Variants in PRICKLE1 observed in about 807,000 individuals in gnomAD.
PRICKLE1 encodes the protein prickle planar cell polarity protein 1.
In PRICKLE1, 14 loss-of-function variants were observed where a neutral mutation model predicts 70.2. That is an observed-to-expected ratio of 0.20 (90% CI 0.13 to 0.31). The LOEUF is 0.31. PRICKLE1 is among the 10% of genes least tolerant of loss of function. The pLI is 1.00. For missense variants in PRICKLE1, 821 were observed against 1,026.2 expected, an observed-to-expected ratio of 0.80 and a Z score of 2.73; for synonymous variants, 357 against 379.9, an observed-to-expected ratio of 0.94 and a Z score of 0.70.
intron 1 of PRICKLE1, among the ~76,000 whole-genome samples, chr12:42,493,037 A>AT (rs974758624): frequency 7.3e-5 from 11 of 151,506 alleles, no homozygotes; most frequent in Admixed American, 1.3e-4. Context: ...CCATTTATTT[A>AT]TTTTTTTTTA....
chr12:42,497,163 T>C (rs1349988140), intron 1 of PRICKLE1, among the ~76,000 whole-genome samples: 1 of 152,182 alleles, frequency 6.6e-6, no homozygotes, highest in East Asian at 1.9e-4. Flanking sequence ...CCAATTGCAA[T>C]ATTGCTATGT....
At chr12:42,467,553 C>T (rs963597889) in intron 5 of PRICKLE1, among the ~76,000 whole-genome samples, 1 of 151,186 alleles carries the variant, frequency 6.6e-6, no homozygotes, top group Non-Finnish European at 1.5e-5. Context: ...CCAGCCTGGC[C>T]AACATGGTGA....
Position 42,458,178 on chromosome 12 carries a change from A to C in PRICKLE1, c.*1631T>G, listed in dbSNP as rs1156738735. 6.6e-6 allele frequency: 1 copy of C among 152,190 alleles called. No individual in the cohort carries two copies. The highest frequency in any genetic ancestry group is 1.5e-5 in the Non-Finnish European group (1 of 68,040). 9.4% of individuals were successfully genotyped at this position (152,190 alleles called of 1,614,324 possible). A position where few individuals can be genotyped will look rare whatever the true frequency, so the allele number is the denominator to read the frequency against. On this transcript the variant is annotated 3_prime_UTR_variant, in exon 8 of 8. Coordinates refer to ENST00000345127, the MANE Select transcript of PRICKLE1 (RefSeq NM_153026.3). ...TTCCCCACTCCAGTCTATATGGAAAAAATAAGCCTCTGTGTCTGAAGCCCT... is the reference window on the plus strand; with the variant it reads ...TTCCCCACTCCAGTCTATATGGAAACAATAAGCCTCTGTGTCTGAAGCCCT...
chr12:42,549,485 G>A (rs1157329145), intron 1 of PRICKLE1, among the ~76,000 whole-genome samples: 1 of 151,936 alleles, frequency 6.6e-6, no homozygotes, highest in African/African-American at 2.4e-5. Context: ...TTTCCTTTAG[G>A]GTCCGGGATC....
At chr12:42,486,877 A>G (rs1725663227) in intron 1 of PRICKLE1, among the ~76,000 whole-genome samples, 1 of 152,204 alleles carries the variant, frequency 6.6e-6, no homozygotes. Context: ...GAAATGAGAG[A>G]TCAAAGGCTC....
chr12:42,468,033 G>T (rs1309232549), intron 5 of PRICKLE1, among the ~76,000 whole-genome samples: 1 of 152,100 alleles, frequency 6.6e-6, no homozygotes, highest in Non-Finnish European at 1.5e-5. Context: ...ATATATTATG[G>T]TTATGTAAGA....
Position 42,468,815 on chromosome 12 carries a change from T to G in PRICKLE1, c.399A>C (p.Ile133=), listed in dbSNP as rs775864936. 3.8e-5 allele frequency: 62 copies of G among 1,614,168 alleles called. No individual in the cohort carries two copies. In the South Asian group the frequency reaches 5.5e-4, roughly 14 times the overall value. ...HAVCEQCGLK[I]NGGEVAVFAS... is the part of the protein sequence containing the mutation. The stretch of plus-strand genomic sequence containing the variant: ...CGAACACTGCAACTTCACCTCCATT[T>G]ATCTTCAAACCACACTACAAACAAA... The change falls in exon 5 of 8, where the codon ATA becomes ATC. Residue 133 remains isoleucine (I), a synonymous_variant. Coordinates refer to ENST00000345127, the MANE Select transcript of PRICKLE1 (RefSeq NM_153026.3).
chr12:42,467,027 A>T (rs910774762), intron 5 of PRICKLE1, among the ~76,000 whole-genome samples: 4 of 152,204 alleles, frequency 2.6e-5, no homozygotes, highest in African/African-American at 9.6e-5. Flanking sequence ...CAAGGGCACA[A>T]CCACCATGCC....
At chr12:42,570,832 T>C (rs2120749929) in intron 1 of PRICKLE1, among the ~76,000 whole-genome samples, 1 of 152,182 alleles carries the variant, frequency 6.6e-6, no homozygotes, top group African/African-American at 2.4e-5. Context: ...AATAAATAAA[T>C]ACATAAAAAT....
intron 1 of PRICKLE1, among the ~76,000 whole-genome samples, chr12:42,509,358 C>A (rs1939472799): frequency 1.3e-5 from 2 of 152,188 alleles, no homozygotes. Context: ...CATGGAAACT[C>A]TCAAAGAACT....
chr12:42,526,171 C>T (rs2120509472), intron 1 of PRICKLE1, among the ~76,000 whole-genome samples: 1 of 152,284 alleles, frequency 6.6e-6, no homozygotes, highest in Non-Finnish European at 1.5e-5. Flanking sequence ...AAACTCAGGC[C>T]AGAGGTGCAT....
rs386376309 is a variant in PRICKLE1, at chr12:42,527,128, C to CTTTT, written c.-48-54568_-48-54565dup. 3.3e-3 allele frequency among the ~76,000 whole-genome samples: 332 copies of CTTTT among 100,718 alleles called. 4 individuals are homozygous for CTTTT. The highest frequency in any genetic ancestry group is 6.6e-3 in the Middle Eastern group (1 of 152). 66.1% of individuals were successfully genotyped at this position (100,718 alleles called of 152,430 possible). On this transcript the variant is annotated intron_variant, in intron 1 of 7. Coordinates refer to ENST00000345127, the MANE Select transcript of PRICKLE1 (RefSeq NM_153026.3). ...AGTGTGCTTTCTTTTTTTTTTTCCT[C>CTTTT]TTTTTTTTTTTTTTTTTTTTTTGGG...
At chr12:42,561,905 CTTTTTTTTTTT>C (rs60450733) in intron 1 of PRICKLE1, among the ~76,000 whole-genome samples, 1,235 of 87,256 alleles carry the variant, frequency 0.014, 16 homozygotes, top group Non-Finnish European at 0.021. Context: ...TTTTTCTTTT[CTTTTTTTTTTT>C]TTTTTTTTTT....
intron 1 of PRICKLE1, among the ~76,000 whole-genome samples, chr12:42,557,686 T>C (rs1940434352): frequency 6.6e-6 from 1 of 152,250 alleles, no homozygotes; most frequent in African/African-American, 2.4e-5. Context: ...ATGGAAGACT[T>C]GAGTGATTAC....
Position 42,561,377 on chromosome 12 carries a change from T to G in PRICKLE1, c.-49+28088A>C, listed in dbSNP as rs148416790. ...ACCTTCTTTCTTCTACCAAACTTTC[T>G]GATTACTCCACCCAAGTTTTTCTCT... On this transcript the variant is annotated intron_variant, in intron 1 of 7. Coordinates refer to ENST00000345127, the MANE Select transcript of PRICKLE1 (RefSeq NM_153026.3). Among the ~76,000 whole-genome samples, 969 of 152,318 alleles carry G rather than the reference T, an allele frequency of 6.4e-3. 12 individuals are homozygous for G. The highest frequency in any genetic ancestry group is 0.022 in the African/African-American group (898 of 41,578).
At chr12:42,545,867 A>ATAT (rs66534541) in intron 1 of PRICKLE1, among the ~76,000 whole-genome samples, 1 of 148,516 alleles carries the variant, frequency 6.7e-6, no homozygotes, top group Non-Finnish European at 1.5e-5. Context: ...AAAAAAAAAA[A>ATAT]ATATATATAT....
chr12:42,499,205 T>G (rs2708042), intron 1 of PRICKLE1, among the ~76,000 whole-genome samples: 26,652 of 152,094 alleles, frequency 0.18, 3,086 homozygotes, highest in African/African-American at 0.31. Flanking sequence ...GGATCTTATT[T>G]TCCCATTTTA....
intron 1 of PRICKLE1, among the ~76,000 whole-genome samples, chr12:42,521,644 T>C (rs1371746835): frequency 6.6e-6 from 1 of 151,748 alleles, no homozygotes; most frequent in Non-Finnish European, 1.5e-5. Context: ...GAGGTGGCAG[T>C]GAGCTGAGAT....
intron 1 of PRICKLE1, among the ~76,000 whole-genome samples, chr12:42,546,626 T>C (rs1940218534): frequency 6.6e-6 from 1 of 152,146 alleles, no homozygotes; most frequent in South Asian, 2.1e-4. Flanking sequence ...TGGTGGCATG[T>C]GCCTGTAATC....
Sources: allele counts gnomAD v4.1 joint callset (sites outside exome capture counted in the v4.1 genomes callset), GRCh38; gene constraint gnomAD v4.1.1; transcripts MANE v1.5; gene names NCBI Gene and HGNC (gene_info 2026-07-23, HGNC 2026-07-21).